NINL: variants seen among roughly 807,000 people sequenced by gnomAD.
NINL encodes the protein ninein-like protein.
Under a neutral mutation model 160.3 loss-of-function variants are expected in NINL, and 153 were observed. The ratio of observed to expected loss-of-function variants is 0.95; its 90% confidence interval spans 0.84 to 1.09. The LOEUF (loss-of-function observed/expected upper bound fraction) is 1.09. Ranked by LOEUF, NINL falls within the 50% of genes least tolerant of loss-of-function variation. The pLI, the probability that NINL is intolerant of heterozygous loss-of-function variation, is 0.00. For synonymous variants in NINL, 800 were observed against 734.8 expected, an observed-to-expected ratio of 1.09 and a Z score of -1.43; for missense variants, 1,829 against 1,764.0, an observed-to-expected ratio of 1.04 and a Z score of -0.66.
intron 1 of NINL, among the ~76,000 whole-genome samples, chr20:25,559,645 G>T (rs776170663): frequency 6.6e-6 from 1 of 152,150 alleles, no homozygotes; most frequent in Non-Finnish European, 1.5e-5. Flanking sequence ...CTGTCATCCA[G>T]GCTGGAGTGC....
At chr20:25,493,279 G>A (rs1035223084) in intron 10 of NINL, among the ~76,000 whole-genome samples, 2 of 152,170 alleles carry the variant, frequency 1.3e-5, no homozygotes, top group Non-Finnish European at 2.9e-5. Context: ...CCAAGGCTGG[G>A]ATGAGGCTGT....
At chr20:25,571,728 A>G (rs2065056179) in intron 1 of NINL, among the ~76,000 whole-genome samples, 1 of 152,004 alleles carries the variant, frequency 6.6e-6, no homozygotes, top group Non-Finnish European at 1.5e-5. Flanking sequence ...TTAGCTGGGC[A>G]TAGTGGCACA....
chr20:25,500,090 T>G (rs1261262324), intron 8 of NINL, among the ~76,000 whole-genome samples: 9 of 152,078 alleles, frequency 5.9e-5, no homozygotes, highest in Non-Finnish European at 8.8e-5. Flanking sequence ...AGGTAGGCTT[T>G]CTTTCTTATT....
intron 2 of NINL, among the ~76,000 whole-genome samples, chr20:25,523,502 A>G (rs955087374): frequency 6.6e-6 from 1 of 151,990 alleles, no homozygotes; most frequent in African/African-American, 2.4e-5. Flanking sequence ...ATCCTCTCAC[A>G]TTGGCCTCCC....
At chr20:25,566,366 C>CAAT (rs1192512756) in intron 1 of NINL, among the ~76,000 whole-genome samples, 2 of 151,744 alleles carry the variant, frequency 1.3e-5, no homozygotes, top group Non-Finnish European at 2.9e-5. Flanking sequence ...ATAGCCCAAT[C>CAAT]AATACATCAT....
At chr20:25,552,025 AT>A (rs1242886215) in intron 1 of NINL, among the ~76,000 whole-genome samples, 1 of 152,200 alleles carries the variant, frequency 6.6e-6, no homozygotes, top group Non-Finnish European at 1.5e-5. Context: ...GACCTGGCTT[AT>A]GTCTAACACT....
At chr20:25,480,663 G>A (rs2063368531) in intron 14 of NINL, among the ~76,000 whole-genome samples, 1 of 152,216 alleles carries the variant, frequency 6.6e-6, no homozygotes, top group Non-Finnish European at 1.5e-5. Context: ...GACCACAGCT[G>A]TGTGCACGGA....
chr20:25,489,809 C>G (rs1179576799), intron 12 of NINL, 66 bp downstream of exon 12: 1 of 1,392,364 alleles, frequency 7.2e-7, no homozygotes, highest in East Asian at 2.3e-5. Flanking sequence ...CTGGCCACCC[C>G]CGCCACCCCC....
intron 1 of NINL, among the ~76,000 whole-genome samples, chr20:25,583,176 A>C (rs1404188172): frequency 1.3e-5 from 2 of 152,226 alleles, no homozygotes; most frequent in African/African-American, 4.8e-5. Flanking sequence ...AACTCTTCAG[A>C]GTGAACAGGC....
chr20:25,560,036 G>A (rs1375179328), intron 1 of NINL, among the ~76,000 whole-genome samples: 3 of 152,274 alleles, frequency 2.0e-5, no homozygotes, highest in South Asian at 2.1e-4. Flanking sequence ...GGGTTCAAGC[G>A]ATCTTCCTCA....
At chr20:25,537,011 C>G (rs77365825) in intron 1 of NINL, among the ~76,000 whole-genome samples, 18,875 of 152,236 alleles carry the variant, frequency 0.12, 1,407 homozygotes, top group Non-Finnish European at 0.18. Context: ...ATGTGGTTGC[C>G]TCTAAGGAGA....
In NINL at chr20:25,537,606, C is replaced by T. The variant is rs116485239; in HGVS notation, c.-11-11008G>A. ...AACACTGAATTTCACGGATGCAGCG[C>T]CCCACATGCACAGCAGTGTGGCTTT... is the stretch of plus-strand genomic sequence containing the variant. On this transcript the variant is annotated intron_variant, in intron 1 of 23. Transcript: ENST00000278886. 3.3e-3 allele frequency among the ~76,000 whole-genome samples: 508 copies of T among 152,290 alleles called. 3 individuals are homozygous for T. The highest frequency in any genetic ancestry group is 0.012 in the African/African-American group (478 of 41,554).
At chr20:25,509,018 C>T (rs1256481846) in intron 5 of NINL, among the ~76,000 whole-genome samples, 1 of 152,216 alleles carries the variant, frequency 6.6e-6, no homozygotes, top group African/African-American at 2.4e-5. Context: ...TGACACTCTT[C>T]CCTTCAGGTC....
chr20:25,581,369 G>A (rs2065173622), intron 1 of NINL, among the ~76,000 whole-genome samples: 1 of 151,972 alleles, frequency 6.6e-6, no homozygotes, highest in Admixed American at 6.6e-5. Context: ...TTGAACCCGG[G>A]AGGCAGAGAT....
Position 25,510,409 on chromosome 20 carries a change from T to A in NINL, c.517+265A>T, listed in dbSNP as rs1364012790. ...ATCAGTACTTGCAGACCATAAAGTG[T>A]GACGAACCACGATGCTCCCTCGGCC... On this transcript the variant is annotated intron_variant, in intron 5 of 23. Transcript: ENST00000278886. 2.0e-5 allele frequency among the ~76,000 whole-genome samples: 3 copies of A among 152,196 alleles called. No individual in the cohort carries two copies. In the East Asian group the frequency reaches 5.8e-4, roughly 29 times the overall value.
At chr20:25,562,091 G>C (rs866910766) in intron 1 of NINL, among the ~76,000 whole-genome samples, 2 of 134,866 alleles carry the variant, frequency 1.5e-5, no homozygotes, top group Non-Finnish European at 3.2e-5. Context: ...TCAGCCCCCC[G>C]CCCAGCCAGC....
intron 1 of NINL, among the ~76,000 whole-genome samples, chr20:25,546,578 A>G (rs2064735350): frequency 3.3e-5 from 5 of 152,206 alleles, no homozygotes; most frequent in Admixed American, 2.6e-4. Flanking sequence ...ACAAGAAGGT[A>G]ATTTTAATGT....
At chr20:25,554,624 C>CAAAAA (rs1239768383) in intron 1 of NINL, among the ~76,000 whole-genome samples, 1 of 49,684 alleles carries the variant, frequency 2.0e-5, no homozygotes, top group Non-Finnish European at 4.7e-5. Flanking sequence ...TGTTCTTTAC[C>CAAAAA]AAAAAAAAAA....
intron 1 of NINL, among the ~76,000 whole-genome samples, chr20:25,566,813 AAC>A (rs2065003672): frequency 1.3e-5 from 2 of 151,982 alleles, no homozygotes; most frequent in African/African-American, 4.8e-5. Flanking sequence ...AAACAACAAC[AAC>A]AACAACAACA....
Sources: gnomAD v4.1 joint callset for allele counts (sites outside exome capture counted in the v4.1 genomes callset) on GRCh38, gnomAD v4.1.1 for gene constraint, MANE v1.5 for transcripts, NCBI Gene and HGNC (gene_info 2026-07-23, HGNC 2026-07-21) for gene names.